Variants in PCCA observed in about 807,000 individuals in gnomAD.
The protein encoded by PCCA is propionyl-CoA carboxylase subunit alpha, also known as propionyl-CoA carboxylase alpha chain, mitochondrial.
A neutral mutation model predicts 101.3 loss-of-function variants in PCCA; 74 were observed. The observed-to-expected ratio is 0.73, with a 90% CI of 0.61 to 0.89. The LOEUF (loss-of-function observed/expected upper bound fraction) is 0.89. Among genes scored for constraint, PCCA ranks in the 40% least tolerant of loss-of-function variants. The pLI, the probability that PCCA is intolerant of heterozygous loss-of-function variation, is 0.00. For missense variants in PCCA, 891 were observed against 907.0 expected (o/e 0.98, Z 0.23); for synonymous variants, 294 against 313.6 (o/e 0.94, Z 0.66).
intron 16 of PCCA, among the ~76,000 whole-genome samples, chr13:100,321,773 C>T (rs367648762): frequency 2.0e-5 from 3 of 151,904 alleles, no homozygotes; most frequent in African/African-American, 4.8e-5. Flanking sequence ...GTTTTCTAAA[C>T]GTCTTGAGGC....
rs183627373 is a variant in PCCA at position 100,511,350 on chromosome 13, G to A, written c.1900-4077G>A. ...ATTTGAGTGTTGCTCTCACTGCCACGCTGCGGAAATGAAGACAGAGCTTAA... is the reference window on the plus strand; with the variant it reads ...ATTTGAGTGTTGCTCTCACTGCCACACTGCGGAAATGAAGACAGAGCTTAA... On this transcript the variant is annotated intron_variant, in intron 21 of 23. Coordinates refer to ENST00000376285, the MANE Select transcript of PCCA (RefSeq NM_000282.4). Among the ~76,000 whole-genome samples, 10 of 152,302 alleles carry A rather than the reference G, an allele frequency of 6.6e-5. No individual in the cohort carries two copies. The East Asian group carries it at 1.5e-3, about 23-fold the overall frequency.
At chr13:100,116,461 A>G (rs2048806927) in intron 4 of PCCA, among the ~76,000 whole-genome samples, 1 of 152,176 alleles carries the variant, frequency 6.6e-6, no homozygotes, top group Non-Finnish European at 1.5e-5. Context: ...CAAACAATTA[A>G]TGTTTGATAG....
intron 4 of PCCA, among the ~76,000 whole-genome samples, chr13:100,135,955 G>C (rs964864943): frequency 2.0e-5 from 3 of 152,008 alleles, no homozygotes; most frequent in Non-Finnish European, 4.4e-5. Flanking sequence ...CTGAGCGATT[G>C]ATTTTTTTAG....
intron 19 of PCCA, among the ~76,000 whole-genome samples, chr13:100,396,645 TATAATAAAA>T (rs1161551523): frequency 1.3e-5 from 2 of 152,202 alleles, no homozygotes; most frequent in African/African-American, 4.8e-5. Context: ...CTCTTATCTA[TATAATAAAA>T]ATAAGACAAA....
Position 100,491,896 on chromosome 13 carries a change from C to T in PCCA, c.1900-23531C>T, listed in dbSNP as rs1052689041. Reference sequence around the variant, plus strand: ...TGAGAATCAAGTGGCTTCTGGGCCTCCCTGAAAGATCAAGTGGAAGCACTG... The same window carrying T: ...TGAGAATCAAGTGGCTTCTGGGCCTTCCTGAAAGATCAAGTGGAAGCACTG... On this transcript the variant is annotated intron_variant, in intron 21 of 23. Coordinates refer to ENST00000376285, the MANE Select transcript of PCCA (RefSeq NM_000282.4). 13 of 430,596 alleles carry T rather than the reference C, an allele frequency of 3.0e-5. No individual in the cohort carries two copies. In the Admixed American group the frequency reaches 5.7e-4, roughly 19 times the overall value. The allele number at this position is 430,596 out of a possible 1,614,324, so 26.7% of individuals were successfully genotyped here. A position where few individuals can be genotyped will look rare whatever the true frequency, so the allele number is the denominator to read the frequency against.
intron 19 of PCCA, among the ~76,000 whole-genome samples, chr13:100,408,980 G>A (rs116646998): frequency 0.014 from 2,165 of 152,286 alleles, 54 homozygotes; most frequent in African/African-American, 0.048. Flanking sequence ...ATTACTGTCC[G>A]ATGGAGTTGA....
intron 6 of PCCA, among the ~76,000 whole-genome samples, chr13:100,163,913 A>G (rs1291117917): frequency 1.3e-5 from 2 of 152,040 alleles, no homozygotes; most frequent in Admixed American, 1.3e-4. Flanking sequence ...TAGGATTGCA[A>G]TATCCATCCT....
chr13:100,133,812 C>A (rs567417508), intron 4 of PCCA, among the ~76,000 whole-genome samples: 1 of 152,134 alleles, frequency 6.6e-6, no homozygotes, highest in Non-Finnish European at 1.5e-5. Context: ...CAGCTGCCAG[C>A]GTGGCTAGAA....
At position 100,235,751 on chromosome 13, in the gene PCCA, G is replaced by A. The variant is rs7319215; in HGVS notation, c.601-91G>A. On this transcript the variant is annotated intron_variant, in intron 7 of 23. Transcript: ENST00000376285. Reference sequence around the variant, plus strand: ...GTAAAATTGAACATTAAATGAATCGGAGGAGACAGTAGTGCAATATATGAC... The same window carrying A: ...GTAAAATTGAACATTAAATGAATCGAAGGAGACAGTAGTGCAATATATGAC... 9,338 of 824,174 alleles carry A rather than the reference G, an allele frequency of 0.011. 607 individuals carry two copies. In the African/African-American group the frequency reaches 0.14, roughly 12 times the overall value. 51.1% of individuals were successfully genotyped at this position (824,174 alleles called of 1,614,324 possible).
intron 22 of PCCA, among the ~76,000 whole-genome samples, chr13:100,520,096 A>G (rs2087119875): frequency 6.6e-6 from 1 of 152,252 alleles, no homozygotes; most frequent in African/African-American, 2.4e-5. Flanking sequence ...TTAACATTTT[A>G]AGACTTTAAA....
chr13:100,112,839 G>A (rs976987910), intron 4 of PCCA, among the ~76,000 whole-genome samples: 12 of 152,096 alleles, frequency 7.9e-5, no homozygotes, highest in African/African-American at 2.9e-4. Flanking sequence ...GCCTCCCAAA[G>A]TGCTGGGATT....
chr13:100,279,326 A>G (rs2063905361), intron 12 of PCCA, among the ~76,000 whole-genome samples: 1 of 152,122 alleles, frequency 6.6e-6, no homozygotes, highest in South Asian at 2.1e-4. Flanking sequence ...AGTTAATTTT[A>G]ATTTTTTAGA....
rs768758704 is a variant in PCCA at position 100,273,196 on chromosome 13, C to T, written c.915C>T (p.Ser305=). The T allele has an allele frequency of 1.2e-6, 2 of 1,611,816 alleles. No individual in the cohort carries two copies. Among genetic ancestry groups the T allele is most frequent in the Admixed American group, 3.3e-5 (2 of 59,996 alleles). ...RNQKVVEEAP[S]IFLDAETRRA... ...GACAAACATTTTTTTGTATATGTAG[C>T]ATTTTTTTGGATGCGGAGACTCGAA... The change falls in exon 12 of 24, where the codon AGC becomes AGT. Residue 305 remains serine (S), a splice_region_variant and synonymous_variant. Transcript: ENST00000376285.
At chr13:100,098,186 T>A (rs891312741) in intron 1 of PCCA, among the ~76,000 whole-genome samples, 2 of 152,066 alleles carry the variant, frequency 1.3e-5, no homozygotes, top group East Asian at 1.9e-4. Flanking sequence ...TGGGCAAACA[T>A]AGTGAGACCC....
intron 4 of PCCA, among the ~76,000 whole-genome samples, chr13:100,128,606 G>A (rs969381711): frequency 1.3e-5 from 2 of 152,118 alleles, no homozygotes; most frequent in African/African-American, 4.8e-5. Flanking sequence ...ACAAGACCGC[G>A]TGCGCAAAGG....
intron 20 of PCCA, among the ~76,000 whole-genome samples, chr13:100,433,687 A>C (rs746230747): frequency 6.6e-6 from 1 of 152,184 alleles, no homozygotes; most frequent in African/African-American, 2.4e-5. Context: ...CTCCTCTCTA[A>C]ACTCAGTTTG....
Position 100,127,784 on chromosome 13 carries a change from C to T in PCCA, c.300+15723C>T, listed in dbSNP as rs944081897. ...GTGGGTGCGTGTAGTCCCAGCTTCTCGGGAGGCTGAGGCAGGAGAATGGCG... is the reference window on the plus strand; with the variant it reads ...GTGGGTGCGTGTAGTCCCAGCTTCTTGGGAGGCTGAGGCAGGAGAATGGCG... On this transcript the variant is annotated intron_variant, in intron 4 of 23. Transcript: ENST00000376285. Among the ~76,000 whole-genome samples, 15 of 152,102 alleles carry T rather than the reference C, an allele frequency of 9.9e-5. No homozygotes were observed. In the South Asian group the frequency reaches 1.0e-3, roughly 11 times the overall value.
chr13:100,282,291 C>T lies in PCCA; in HGVS notation c.1065+8945C>T, dbSNP rs548156211. ...GAGAGGTGACAGCGTGCTGGCAGTC[C>T]TCAGAGCCCTCGCTCGCTCTCGGCG... On this transcript the variant is annotated intron_variant, in intron 12 of 23. Coordinates refer to ENST00000376285, the MANE Select transcript of PCCA (RefSeq NM_000282.4). Among the ~76,000 whole-genome samples, 5 of 152,344 alleles carry T rather than the reference C, an allele frequency of 3.3e-5. No homozygotes were observed. The East Asian group carries it at 9.6e-4, about 29-fold the overall frequency.
intron 22 of PCCA, among the ~76,000 whole-genome samples, chr13:100,525,029 A>ATAGG (rs1179736932): frequency 4.7e-5 from 7 of 150,140 alleles, no homozygotes; most frequent in Non-Finnish European, 1.0e-4. Flanking sequence ...AGATAGATAG[A>ATAGG]CAGACAGACA....
Sources: gnomAD v4.1 joint callset for allele counts (sites outside exome capture counted in the v4.1 genomes callset) on GRCh38, gnomAD v4.1.1 for gene constraint, MANE v1.5 for transcripts, NCBI Gene and HGNC (gene_info 2026-07-23, HGNC 2026-07-21) for gene names.